The following NPEPPS variants were observed in gnomAD, a reference collection of about 807,000 sequenced individuals.
NPEPPS encodes aminopeptidase puromycin sensitive.
NPEPPS carries 14 observed loss-of-function variants against 115.5 expected under a neutral mutation model. The observed-to-expected ratio is 0.12, with a 90% CI of 0.08 to 0.19. The LOEUF is 0.19. NPEPPS is among the 10% of genes least tolerant of loss of function. The pLI is 1.00. For missense variants in NPEPPS, 523 were observed against 1,110.8 expected, an observed-to-expected ratio of 0.47 and a Z score of 7.52; for synonymous variants, 285 against 390.6, an observed-to-expected ratio of 0.73 and a Z score of 3.19.
chr17:47,621,809 C>T lies in NPEPPS; in HGVS notation c.2649C>T (p.Thr883=). 1 of 1,612,758 alleles carries T rather than the reference C, an allele frequency of 6.2e-7. No individual in the cohort carries two copies. The highest frequency in any genetic ancestry group is 1.3e-5 in the African/African-American group (1 of 75,044). Residue 883 remains threonine (T), a synonymous_variant, in exon 23 of 23, where the codon ACC becomes ACT. Coordinates refer to ENST00000322157, the MANE Select transcript of NPEPPS (RefSeq NM_006310.4). ...ESHPAPSAER[T]IQQCCENILL... ...ACCCAGCTCCTTCAGCTGAGCGTAC[C>T]ATCCAGCAGTGTTGTGAAAATATTC...
chr17:47,621,212 G>A (rs547492167), intron 22 of NPEPPS, among the ~76,000 whole-genome samples: 10 of 149,900 alleles, frequency 6.7e-5, no homozygotes, highest in Non-Finnish European at 1.3e-4. Context: ...ACCATGGGGT[G>A]TTAAATTATT....
chr17:47,581,767 C>G (rs1212850225), intron 4 of NPEPPS: 1 of 152,346 alleles, frequency 6.6e-6, no homozygotes, highest in African/African-American at 2.4e-5. Context: ...GCAATCTTGG[C>G]TCACTGCAAC....
chr17:47,553,399 A>C (rs1909785269), intron 2 of NPEPPS, among the ~76,000 whole-genome samples: 1 of 151,804 alleles, frequency 6.6e-6, no homozygotes. Flanking sequence ...AGTAATTATG[A>C]TTCATTCTTT....
Position 47,585,662 on chromosome 17 carries a change from C to G in NPEPPS, c.811C>G (p.Pro271Ala). The stretch of plus-strand genomic sequence containing the variant: ...TGGTGTGTGTGTCCGTGTTTACACT[C>G]CTGTTGGCAAAGCAGAGCAAGGAAA... Reference protein sequence around the residue: ...KDGVCVRVYTPVGKAEQGKFA... With the variant: ...KDGVCVRVYTAVGKAEQGKFA... The change falls in exon 6 of 23, where the codon CCT becomes GCT. Residue 271 changes from proline (P) to alanine (A), a missense_variant. Transcript: ENST00000322157. The G allele has an allele frequency of 1.9e-6, 3 of 1,613,862 alleles. No individual in the cohort carries two copies. Among genetic ancestry groups the G allele is most frequent in the Non-Finnish European group, 2.5e-6 (3 of 1,179,848 alleles).
chr17:47,533,487 T>C (rs1255385230), intron 1 of NPEPPS, among the ~76,000 whole-genome samples: 1 of 151,930 alleles, frequency 6.6e-6, no homozygotes, highest in Non-Finnish European at 1.5e-5. Context: ...TGAGTTCGCA[T>C]TATGTGAAAA....
At chr17:47,555,424 C>T (rs1294174951) in intron 2 of NPEPPS, among the ~76,000 whole-genome samples, 3 of 150,794 alleles carry the variant, frequency 2.0e-5, no homozygotes, top group African/African-American at 4.9e-5. Context: ...TTTGGCTCGC[C>T]GTAACCTCAG....
intron 1 of NPEPPS, among the ~76,000 whole-genome samples, chr17:47,536,424 C>T (rs1322479389): frequency 8.0e-6 from 1 of 125,290 alleles, no homozygotes; most frequent in Non-Finnish European, 1.6e-5. Context: ...TGGAGTTTCG[C>T]TCTTGTTGCA....
intron 1 of NPEPPS, among the ~76,000 whole-genome samples, chr17:47,523,400 C>CA (rs1367768529): frequency 2.6e-5 from 4 of 151,090 alleles, no homozygotes; most frequent in Non-Finnish European, 4.4e-5. Context: ...ACCATTCTCA[C>CA]ATTAAGAAAA....
At chr17:47,571,148 T>C (rs1052410824) in intron 3 of NPEPPS, among the ~76,000 whole-genome samples, 1 of 152,204 alleles carries the variant, frequency 6.6e-6, no homozygotes, top group Non-Finnish European at 1.5e-5. Context: ...CCCTGTAAAG[T>C]GCTTATTATA....
At chr17:47,616,240 T>C (rs1196015066) in intron 19 of NPEPPS, among the ~76,000 whole-genome samples, 2 of 152,124 alleles carry the variant, frequency 1.3e-5, no homozygotes, top group Non-Finnish European at 2.9e-5. Context: ...CAAGGTCCTG[T>C]CTATTTTACT....
intron 1 of NPEPPS, among the ~76,000 whole-genome samples, chr17:47,542,349 C>G (rs947241147): frequency 5.9e-5 from 9 of 151,932 alleles, no homozygotes; most frequent in African/African-American, 2.2e-4. Context: ...GAGTTTGAGA[C>G]CAGCCTGACC....
intron 2 of NPEPPS, among the ~76,000 whole-genome samples, chr17:47,566,586 C>T (rs138920353): frequency 0.02 from 2,989 of 149,714 alleles, 85 homozygotes; most frequent in East Asian, 0.15. Context: ...CTGCAACCTC[C>T]GCTCCCAGGT....
At chr17:47,540,615 A>G (rs1161480705) in intron 1 of NPEPPS, among the ~76,000 whole-genome samples, 1 of 152,232 alleles carries the variant, frequency 6.6e-6, no homozygotes, top group East Asian at 1.9e-4. Context: ...CCAAAGTGCC[A>G]TATAATACAA....
At chr17:47,538,417 TTAGC>T (rs938213906) in intron 1 of NPEPPS, among the ~76,000 whole-genome samples, 3 of 151,066 alleles carry the variant, frequency 2.0e-5, no homozygotes, top group Non-Finnish European at 4.4e-5. Context: ...TTTCGCCATG[TTAGC>T]TAGGCTGGTC....
chr17:47,547,854 G>A (rs1421371398), intron 2 of NPEPPS, among the ~76,000 whole-genome samples: 7 of 151,898 alleles, frequency 4.6e-5, no homozygotes, highest in Admixed American at 1.3e-4. Context: ...GCGAAACCCC[G>A]TCTCTACTAA....
Position 47,597,163 on chromosome 17 carries a change from C to T in NPEPPS, c.1536+701C>T, listed in dbSNP as rs529683518. ...AAAAACATTTGGTAAAATTTCATAC[C>T]CACTTATAATATCAATTGTGTAAAG... is the stretch of plus-strand genomic sequence containing the variant. On this transcript the variant is annotated intron_variant, in intron 13 of 22. Coordinates refer to ENST00000322157, the MANE Select transcript of NPEPPS (RefSeq NM_006310.4). 1.0e-4 allele frequency among the ~76,000 whole-genome samples: 12 copies of T among 118,504 alleles called. No homozygotes were observed. In the South Asian group the frequency reaches 3.3e-3, roughly 33 times the overall value. The allele number at this position is 118,504 out of a possible 152,430, so 77.7% of individuals were successfully genotyped here. A position where few individuals can be genotyped will look rare whatever the true frequency, so the allele number is the denominator to read the frequency against.
chr17:47,584,564 T>C (rs113781128), intron 5 of NPEPPS, among the ~76,000 whole-genome samples: 1 of 152,228 alleles, frequency 6.6e-6, no homozygotes, highest in African/African-American at 2.4e-5. Flanking sequence ...GAGGCTAATA[T>C]ATTAAACGGA....
chr17:47,549,461 G>A (rs1909474449), intron 2 of NPEPPS, among the ~76,000 whole-genome samples: 1 of 152,026 alleles, frequency 6.6e-6, no homozygotes. Context: ...TAAGAGAATG[G>A]GAAGTTGTAT....
intron 2 of NPEPPS, among the ~76,000 whole-genome samples, chr17:47,550,360 C>T (rs1909556154): frequency 1.4e-5 from 2 of 141,950 alleles, no homozygotes; most frequent in South Asian, 4.4e-4. Context: ...TGGAGTCTTG[C>T]TGTATCGCCC....
Sources: allele counts gnomAD v4.1 joint callset (sites outside exome capture counted in the v4.1 genomes callset), GRCh38; gene constraint gnomAD v4.1.1; transcripts MANE v1.5; gene names NCBI Gene and HGNC (gene_info 2026-07-23, HGNC 2026-07-21).